Variants in SLC35F1 observed in about 807,000 individuals in gnomAD.
SLC35F1 encodes solute carrier family 35 member F1.
SLC35F1 carries 14 observed loss-of-function variants against 48.7 expected under a neutral mutation model. The ratio of observed to expected loss-of-function variants is 0.29; its 90% CI spans 0.19 to 0.45. The LOEUF (loss-of-function observed/expected upper bound fraction) is 0.45, where lower values mean the gene tolerates loss of function less well. Among genes scored for constraint, SLC35F1 ranks in the 20% least tolerant of loss-of-function variants. The pLI, the probability that SLC35F1 is intolerant of heterozygous loss-of-function variation, is 1.00. For synonymous variants in SLC35F1, 190 were observed against 202.2 expected, an observed-to-expected ratio of 0.94 and a Z score of 0.51; for missense variants, 404 against 500.0, an observed-to-expected ratio of 0.81 and a Z score of 1.83.
At chr6:117,948,403 T>C (rs1776321358) in intron 1 of SLC35F1, among the ~76,000 whole-genome samples, 1 of 152,192 alleles carries the variant, frequency 6.6e-6, no homozygotes, top group Admixed American at 6.5e-5. Flanking sequence ...TAACTCACGT[T>C]CATATAATTT....
chr6:118,237,942 G>A (rs1209800907), intron 3 of SLC35F1, among the ~76,000 whole-genome samples: 1 of 152,126 alleles, frequency 6.6e-6, no homozygotes, highest in African/African-American at 2.4e-5. Context: ...TATTGGCAGT[G>A]TTCTCTTTAT....
chr6:117,935,923 T>G (rs1338471667), intron 1 of SLC35F1, among the ~76,000 whole-genome samples: 1 of 152,232 alleles, frequency 6.6e-6, no homozygotes, highest in Non-Finnish European at 1.5e-5. Context: ...TTCACAGTTA[T>G]GGAGTCCGCA....
At position 118,113,014 on chromosome 6, in the gene SLC35F1, C is replaced by T. The variant is rs529477059; in HGVS notation, c.174-41431C>T. Among the ~76,000 whole-genome samples, 9 of 152,126 alleles carry T rather than the reference C, an allele frequency of 5.9e-5. No homozygotes were observed. The South Asian group carries it at 6.2e-4, about 11-fold the overall frequency. On this transcript the variant is annotated intron_variant, in intron 1 of 7. Coordinates refer to ENST00000360388, the MANE Select transcript of SLC35F1 (RefSeq NM_001029858.4). Reference sequence around the variant, plus strand: ...AGACAATTTAAAAATAAAGGGATGCCGTAGAATGTACAACACCAAGAGTGA... The same window carrying T: ...AGACAATTTAAAAATAAAGGGATGCTGTAGAATGTACAACACCAAGAGTGA...
rs145880824 is a variant in SLC35F1, at chr6:118,249,789, G to T, written c.477+14153G>T. Among the ~76,000 whole-genome samples, 5 of 152,208 alleles carry T rather than the reference G, an allele frequency of 3.3e-5. No individual in the cohort carries two copies. The East Asian group carries it at 7.7e-4, about 24-fold the overall frequency. Reference sequence around the variant, plus strand: ...TGTTTATGTCTTCTGAGTTGGGGCCGTTTCTAATTCAAGAGCCTTTGAACA... The same window carrying T: ...TGTTTATGTCTTCTGAGTTGGGGCCTTTTCTAATTCAAGAGCCTTTGAACA... On this transcript the variant is annotated intron_variant, in intron 3 of 7. Coordinates refer to ENST00000360388, the MANE Select transcript of SLC35F1 (RefSeq NM_001029858.4).
At chr6:118,292,796 G>A (rs1023692144) in intron 7 of SLC35F1, among the ~76,000 whole-genome samples, 2 of 151,816 alleles carry the variant, frequency 1.3e-5, no homozygotes, top group African/African-American at 4.8e-5. Flanking sequence ...TGTGCTGACT[G>A]GACAGTAAAG....
chr6:118,207,641 G>C (rs1339393387), intron 2 of SLC35F1, among the ~76,000 whole-genome samples: 2 of 152,162 alleles, frequency 1.3e-5, no homozygotes, highest in Non-Finnish European at 2.9e-5. Flanking sequence ...AAAGTTGAAG[G>C]ACAATGTCAG....
chr6:118,015,315 CA>C (rs1215979718), intron 1 of SLC35F1, among the ~76,000 whole-genome samples: 4 of 152,024 alleles, frequency 2.6e-5, no homozygotes, highest in African/African-American at 9.7e-5. Flanking sequence ...ATTTTAGGTT[CA>C]GGGGTACATA....
intron 2 of SLC35F1, among the ~76,000 whole-genome samples, chr6:118,172,993 T>C (rs1774429324): frequency 6.6e-6 from 1 of 152,126 alleles, no homozygotes; most frequent in Admixed American, 6.6e-5. Context: ...TTTGTTTTTA[T>C]AATCATACTG....
intron 2 of SLC35F1, among the ~76,000 whole-genome samples, chr6:118,160,179 A>G (rs184075838): frequency 3.9e-5 from 6 of 152,348 alleles, no homozygotes; most frequent in Admixed American, 1.3e-4. Context: ...GCTTCTTTTT[A>G]TATACAGACC....
intron 2 of SLC35F1, among the ~76,000 whole-genome samples, chr6:118,215,741 T>C (rs1419199535): frequency 1.3e-5 from 2 of 152,214 alleles, no homozygotes; most frequent in African/African-American, 2.4e-5. Flanking sequence ...ATGACTCTGT[T>C]AGTGGAAGGA....
chr6:118,012,309 C>G (rs1271384896), intron 1 of SLC35F1, among the ~76,000 whole-genome samples: 1 of 138,438 alleles, frequency 7.2e-6, no homozygotes, highest in Non-Finnish European at 1.5e-5. Flanking sequence ...AAACAGCATG[C>G]AGGGACAATA....
intron 1 of SLC35F1, among the ~76,000 whole-genome samples, chr6:117,983,670 G>T (rs1776811945): frequency 6.6e-6 from 1 of 152,206 alleles, no homozygotes; most frequent in African/African-American, 2.4e-5. Context: ...CTGATCCACA[G>T]AACTTTCCTC....
intron 1 of SLC35F1, among the ~76,000 whole-genome samples, chr6:117,967,696 C>T (rs571282246): frequency 1.3e-5 from 2 of 152,268 alleles, no homozygotes; most frequent in African/African-American, 2.4e-5. Flanking sequence ...AAAGATCAAA[C>T]AATCTTATGC....
At chr6:118,200,890 G>T (rs906820315) in intron 2 of SLC35F1, among the ~76,000 whole-genome samples, 1 of 151,752 alleles carries the variant, frequency 6.6e-6, no homozygotes, top group Non-Finnish European at 1.5e-5. Flanking sequence ...TTTTTGATTT[G>T]GTTTGGTTTT....
chr6:118,018,866 A>T (rs948657359), intron 1 of SLC35F1, among the ~76,000 whole-genome samples: 4 of 152,084 alleles, frequency 2.6e-5, no homozygotes, highest in Non-Finnish European at 5.9e-5. Flanking sequence ...CTTTTTCTCA[A>T]CTTGGGAGCT....
intron 1 of SLC35F1, among the ~76,000 whole-genome samples, chr6:118,042,820 T>C (rs924730576): frequency 4.6e-5 from 7 of 152,112 alleles, no homozygotes; most frequent in Admixed American, 2.0e-4. Flanking sequence ...TGGTGACCAA[T>C]TGAATGTGGA....
At chr6:118,117,047 A>G (rs1773484742) in intron 1 of SLC35F1, among the ~76,000 whole-genome samples, 2 of 152,168 alleles carry the variant, frequency 1.3e-5, no homozygotes, top group South Asian at 4.1e-4. Flanking sequence ...GACTTTGTAC[A>G]TATACAAACC....
intron 1 of SLC35F1, among the ~76,000 whole-genome samples, chr6:118,054,564 T>C (rs1772436791): frequency 6.6e-6 from 1 of 152,146 alleles, no homozygotes; most frequent in Non-Finnish European, 1.5e-5. Context: ...ATATGCCATT[T>C]TGGCAAAAAA....
intron 1 of SLC35F1, among the ~76,000 whole-genome samples, chr6:118,118,941 C>CT (rs35921856): frequency 3.3e-4 from 47 of 143,756 alleles, no homozygotes; most frequent in African/African-American, 1.2e-3. Context: ...TGCTTGTTTG[C>CT]TTTTTTTTTT....
Sources: gnomAD v4.1 joint callset for allele counts (sites outside exome capture counted in the v4.1 genomes callset) on GRCh38, gnomAD v4.1.1 for gene constraint, MANE v1.5 for transcripts, NCBI Gene and HGNC (gene_info 2026-07-23, HGNC 2026-07-21) for gene names.